Variants in ESR2 observed in about 807,000 individuals in gnomAD.
ESR2 encodes the protein estrogen receptor 2.
Under a neutral mutation model 49.6 loss-of-function variants are expected in ESR2, and 36 were observed. The observed-to-expected ratio is 0.73, with a 90% CI of 0.56 to 0.96. ESR2 has a LOEUF of 0.96. Ranked by LOEUF, ESR2 falls within the 40% of genes least tolerant of loss-of-function variation. ESR2 has a pLI of 0.00. For synonymous variants in ESR2, 320 were observed against 266.1 expected, an observed-to-expected ratio of 1.20 and a Z score of -1.97; for missense variants, 714 against 693.0, an observed-to-expected ratio of 1.03 and a Z score of -0.34.
upstream of ESR2, among the ~76,000 whole-genome samples, chr14:64,299,402 T>C (rs1468600351): frequency 7.2e-6 from 1 of 139,744 alleles, no homozygotes; most frequent in African/African-American, 2.8e-5. Flanking sequence ...GAAATAGCTT[T>C]TTTTTTTTTT....
intron 7 of ESR2, among the ~76,000 whole-genome samples, chr14:64,236,358 C>G (rs891831170): frequency 2.0e-5 from 3 of 152,314 alleles, no homozygotes; most frequent in Admixed American, 1.3e-4. Flanking sequence ...AGAATCCCCC[C>G]ACAGCCTCAA....
upstream of ESR2, among the ~76,000 whole-genome samples, chr14:64,297,048 G>A (rs1001853789): frequency 3.3e-5 from 5 of 152,112 alleles, no homozygotes; most frequent in Non-Finnish European, 7.4e-5. Context: ...TATTGAGAAC[G>A]ATGCCTGCTA....
intron 3 of ESR2, among the ~76,000 whole-genome samples, chr14:64,278,812 G>A (rs2076607552): frequency 6.6e-6 from 1 of 152,120 alleles, no homozygotes; most frequent in African/African-American, 2.4e-5. Context: ...AAATTCTAAG[G>A]CCCCTCAACC....
In ESR2 at chr14:64,229,722, C is replaced by T. The variant is rs1041028713; in HGVS notation, c.*3415G>A. ...TGACCTTCAGCAAGTTTGCTTAGAC[C>T]GTGTCTAGTTCCACAACCAGAAAAT... is the stretch of plus-strand genomic sequence containing the variant. On this transcript the variant is annotated 3_prime_UTR_variant, in exon 9 of 9. Coordinates refer to ENST00000341099, the MANE Select transcript of ESR2 (RefSeq NM_001437.3). Among the ~76,000 whole-genome samples, 8 of 152,164 alleles carry T rather than the reference C, an allele frequency of 5.3e-5. No individual in the cohort carries two copies. Among genetic ancestry groups the T allele is most frequent in the Admixed American group, 1.3e-4 (2 of 15,282 alleles).
chr14:64,320,353 C>G lies in ESR2; in HGVS notation c.-91+17545G>C, dbSNP rs182775569. Reference sequence around the variant, plus strand: ...GGCTAAGGCAGGAGAATTGCTTTAGCCCAGGAGTTTGAGATAAGCCTGGGC... The same window carrying G: ...GGCTAAGGCAGGAGAATTGCTTTAGGCCAGGAGTTTGAGATAAGCCTGGGC... On this transcript the variant is annotated intron_variant, in intron 1 of 8. Coordinates refer to the ESR2 transcript ENST00000358599. 1.8e-4 allele frequency among the ~76,000 whole-genome samples: 28 copies of G among 151,940 alleles called. No individual in the cohort carries two copies. The East Asian group carries it at 5.3e-3, about 28-fold the overall frequency.
intron 6 of ESR2, among the ~76,000 whole-genome samples, chr14:64,250,795 G>A (rs2075970600): frequency 6.6e-6 from 1 of 152,164 alleles, no homozygotes; most frequent in African/African-American, 2.4e-5. Flanking sequence ...CACCAGTCCT[G>A]CAGAAGTCTT....
intron 1 of ESR2, among the ~76,000 whole-genome samples, chr14:64,337,682 TCAAA>T (rs2077548324): frequency 6.6e-6 from 1 of 151,980 alleles, no homozygotes; most frequent in Admixed American, 6.5e-5. Flanking sequence ...AAACTGTTAA[TCAAA>T]CAAAAAAGAG....
At chr14:64,337,216 T>C (rs1269772818) in intron 1 of ESR2, among the ~76,000 whole-genome samples, 1 of 152,234 alleles carries the variant, frequency 6.6e-6, no homozygotes, top group Admixed American at 6.5e-5. Flanking sequence ...AATTGAGAGA[T>C]AAAGCATCTG....
chr14:64,256,986 T>C (rs12587432), intron 6 of ESR2, among the ~76,000 whole-genome samples: 2 of 152,156 alleles, frequency 1.3e-5, no homozygotes, highest in East Asian at 3.9e-4. Context: ...CAGTCCCCTA[T>C]TAAAGCGCTG....
At chr14:64,283,792 G>GAAAA (rs76529465) in intron 1 of ESR2, among the ~76,000 whole-genome samples, 83,335 of 139,360 alleles carry the variant, frequency 0.6, 26,725 homozygotes, top group African/African-American at 0.85. Context: ...TACCATTTCC[G>GAAAA]AAAAAAGTTT....
chr14:64,243,067 C>T (rs2075773057), intron 7 of ESR2, among the ~76,000 whole-genome samples: 1 of 152,188 alleles, frequency 6.6e-6, no homozygotes, highest in African/African-American at 2.4e-5. Context: ...CCCACCAGGT[C>T]CCTCCCACAA....
chr14:64,286,027 T>C (rs1391240849), intron 1 of ESR2, among the ~76,000 whole-genome samples: 2 of 152,052 alleles, frequency 1.3e-5, no homozygotes, highest in African/African-American at 4.8e-5. Context: ...GCAGTAGGCA[T>C]GGTAGTATGC....
intron 6 of ESR2, 106 bp from the exon 7 acceptor site, chr14:64,249,785 T>G: frequency 8.7e-7 from 1 of 1,147,366 alleles, no homozygotes; most frequent in East Asian, 2.4e-5. Flanking sequence ...TTGTAACATG[T>G]TCATCTGATA....
rs1458323771 is a variant in ESR2 at position 64,230,532 on chromosome 14, C to G, written c.*2605G>C. Among the ~76,000 whole-genome samples the G allele has an allele frequency of 6.6e-6, 1 of 152,138 alleles. No homozygotes were observed. Among genetic ancestry groups the G allele is most frequent in the Non-Finnish European group, 1.5e-5 (1 of 68,028 alleles). ...CTGTACAGCTCCTGCCGATTTTGCA[C>G]TATTTTTAATGCAGTTGAGTCTTCA... On this transcript the variant is annotated 3_prime_UTR_variant, in exon 9 of 9. Coordinates refer to ENST00000341099, the MANE Select transcript of ESR2 (RefSeq NM_001437.3).
rs551011200 is a variant in ESR2 at position 64,336,845 on chromosome 14, A to C, written c.-91+1053T>G. 42 of 152,252 alleles carry C rather than the reference A, an allele frequency of 2.8e-4. 1 individual carries two copies. Among genetic ancestry groups the C allele is most frequent in the African/African-American group, 9.9e-4 (41 of 41,552 alleles). 9.4% of individuals were successfully genotyped at this position (152,252 alleles called of 1,614,324 possible). The stretch of plus-strand genomic sequence containing the variant: ...ACAACTCTATTTTTGCGCTTGCTCA[A>C]ATCAAACCCTTGCTTTCTTTCTTAT... On this transcript the variant is annotated intron_variant, in intron 1 of 8. Coordinates refer to the ESR2 transcript ENST00000358599.
chr14:64,235,148 T>C lies in ESR2; in HGVS notation c.1228A>G (p.Met410Val), dbSNP rs753401843. 4.3e-6 allele frequency: 7 copies of C among 1,611,010 alleles called. No homozygotes were observed. Among genetic ancestry groups the C allele is most frequent in the East Asian group, 2.2e-5 (1 of 44,778 alleles). ...TGGGTCGCTGTGACCAGAGGGTACATACCTGGACAAAGAATAAAAGCCAGA... is the reference window on the plus strand; with the variant it reads ...TGGGTCGCTGTGACCAGAGGGTACACACCTGGACAAAGAATAAAAGCCAGA... ...VKAMILLNSS[M>V]YPLVTATQDA... is the part of the protein sequence containing the mutation. Residue 410 changes from methionine to valine, a missense_variant and splice_region_variant, in exon 8 of 9, where the codon ATG (methionine) becomes GTG (valine). Met to Val is a conservative substitution (Grantham distance 21). Transcript: ENST00000341099.
chr14:64,232,965 C>T lies in ESR2; in HGVS notation c.*172G>A. 1 of 1,355,298 alleles carries T rather than the reference C, an allele frequency of 7.4e-7. No homozygotes were observed. Among genetic ancestry groups the T allele is most frequent in the East Asian group, 2.5e-5 (1 of 39,286 alleles). The allele number at this position is 1,355,298 out of a possible 1,614,324, so 84.0% of individuals were successfully genotyped here. ...CTAACAAGGGAAACTATGGCTTCCT[C>T]ACACCGACTCCTGAGAGTTGGGAAG... is the stretch of plus-strand genomic sequence containing the variant. On this transcript the variant is annotated 3_prime_UTR_variant, in exon 9 of 9. Coordinates refer to ENST00000341099, the MANE Select transcript of ESR2 (RefSeq NM_001437.3).
At chr14:64,253,336 G>A (rs1177128592) in intron 6 of ESR2, among the ~76,000 whole-genome samples, 1 of 151,416 alleles carries the variant, frequency 6.6e-6, no homozygotes, top group African/African-American at 2.4e-5. Context: ...GATTACAGGC[G>A]CCTGCCACCA....
intron 7 of ESR2, among the ~76,000 whole-genome samples, chr14:64,238,304 G>A (rs2075648883): frequency 6.6e-6 from 1 of 152,306 alleles, no homozygotes; most frequent in South Asian, 2.1e-4. Flanking sequence ...GGGAGGTGAG[G>A]CACTGCAGTT....
Sources: gnomAD v4.1 joint callset for allele counts (sites outside exome capture counted in the v4.1 genomes callset) on GRCh38, gnomAD v4.1.1 for gene constraint, MANE v1.5 for transcripts, NCBI Gene and HGNC (gene_info 2026-07-23, HGNC 2026-07-21) for gene names.